KCTD1: variants seen among roughly 807,000 people sequenced by gnomAD.
KCTD1 encodes the protein potassium channel tetramerization domain containing 1.
KCTD1 carries 24 observed loss-of-function variants against 66.0 expected under a neutral mutation model. The observed-to-expected ratio is 0.36, with a 90% CI of 0.26 to 0.51. The LOEUF is 0.51. KCTD1 is among the 20% of genes least tolerant of loss of function. The pLI, the probability that KCTD1 is intolerant of heterozygous loss-of-function variation, is 0.95. For missense variants in KCTD1, 943 were observed against 1,205.2 expected, an observed-to-expected ratio of 0.78 and a Z score of 3.22; for synonymous variants, 511 against 517.2, an observed-to-expected ratio of 0.99 and a Z score of 0.16.
At chr18:26,657,464 A>G, upstream of KCTD1, 8 of 865,212 alleles carry the variant, frequency 9.2e-6, no homozygotes, top group Non-Finnish European at 1.1e-5. Context: ...GCCACACCAG[A>G]GAGAAATGCA....
chr18:26,538,953 A>G (rs1222936503), intron 1 of KCTD1, among the ~76,000 whole-genome samples: 1 of 152,240 alleles, frequency 6.6e-6, no homozygotes, highest in African/African-American at 2.4e-5. Context: ...CACCGGAAAC[A>G]TTCTTTTTTG....
At chr18:26,524,988 C>G (rs1984088570) in intron 1 of KCTD1, among the ~76,000 whole-genome samples, 1 of 152,058 alleles carries the variant, frequency 6.6e-6, no homozygotes, top group African/African-American at 2.4e-5. Flanking sequence ...CAGAAAGGAC[C>G]TCTGGAAAGA....
intron 1 of KCTD1, among the ~76,000 whole-genome samples, chr18:26,568,446 A>G (rs1050459410): frequency 6.6e-6 from 1 of 152,050 alleles, no homozygotes; most frequent in Non-Finnish European, 1.5e-5. Flanking sequence ...CATGTTGCCC[A>G]GGCTGGTCTC....
rs1983981777 is a variant in KCTD1, at chr18:26,522,927, C to A, written c.1810-21677G>T. On this transcript the variant is annotated intron_variant, in intron 1 of 4. Transcript: ENST00000580059. ...GCTGAGACCTAAACTAGATTTTAAACATCTCCCACAGTGCCTTGTATACTG... is the reference window on the plus strand; with the variant it reads ...GCTGAGACCTAAACTAGATTTTAAAAATCTCCCACAGTGCCTTGTATACTG... Among the ~76,000 whole-genome samples, 2 of 152,162 alleles carry A rather than the reference C, an allele frequency of 1.3e-5. 1 individual carries two copies. The highest frequency in any genetic ancestry group is 4.8e-5 in the African/African-American group (2 of 41,434).
chr18:26,574,043 A>G (rs1487999773), intron 1 of KCTD1, among the ~76,000 whole-genome samples: 1 of 152,108 alleles, frequency 6.6e-6, no homozygotes, highest in Non-Finnish European at 1.5e-5. Context: ...TGTTGGCCAT[A>G]CTTTGTGCCC....
At position 26,508,746 on chromosome 18, in the gene KCTD1, G is replaced by A. The variant is rs1281020140; in HGVS notation, c.1810-7496C>T. 5.4e-5 allele frequency among the ~76,000 whole-genome samples: 8 copies of A among 148,212 alleles called. 1 individual carries two copies. In the East Asian group the frequency reaches 9.8e-4, roughly 18 times the overall value. ...CTCTCTCTCACACACACACACACAC[G>A]CACAACATCTGTATTATATGGCATA... On this transcript the variant is annotated intron_variant, in intron 1 of 4. Transcript: ENST00000580059.
At chr18:26,545,878 C>T (rs1296816281) in intron 1 of KCTD1, 2 of 152,116 alleles carry the variant, frequency 1.3e-5, no homozygotes, top group Non-Finnish European at 2.9e-5. Flanking sequence ...ATAGTTTCTT[C>T]CTCTTTGATG....
chr18:26,648,238 C>T (rs1323226979), intron 1 of KCTD1, among the ~76,000 whole-genome samples: 1 of 152,172 alleles, frequency 6.6e-6, no homozygotes, highest in Non-Finnish European at 1.5e-5. Context: ...TGGGACCAAA[C>T]CAAATCTCTG....
At position 26,464,347 on chromosome 18, in the gene KCTD1, C is replaced by T. The variant is rs143769721; in HGVS notation, c.2134-4422G>A. Among the ~76,000 whole-genome samples, 214 of 152,350 alleles carry T rather than the reference C, an allele frequency of 1.4e-3. 1 individual carries two copies. Among genetic ancestry groups the T allele is most frequent in the African/African-American group, 4.8e-3 (200 of 41,576 alleles). ...TCTCTCATCCCATCTTCTCTAACCC[C>T]GGCCCTCCTGCCTCCCTCAAATAAG... On this transcript the variant is annotated intron_variant, in intron 3 of 4. Coordinates refer to ENST00000580059, the MANE Select transcript of KCTD1 (RefSeq NM_001142730.3).
rs536485499 is a variant in KCTD1, at chr18:26,480,661, G to A, written c.1989-4002C>T. 2.0e-5 allele frequency among the ~76,000 whole-genome samples: 3 copies of A among 152,208 alleles called. No homozygotes were observed. The South Asian group carries it at 6.2e-4, about 32-fold the overall frequency. ...CACGCACCTGTAATCCCAGCAACTCGGGAGGTTGAGGCAGAGAACTGCCTG... is the reference window on the plus strand; with the variant it reads ...CACGCACCTGTAATCCCAGCAACTCAGGAGGTTGAGGCAGAGAACTGCCTG... On this transcript the variant is annotated intron_variant, in intron 2 of 4. Coordinates refer to ENST00000580059, the MANE Select transcript of KCTD1 (RefSeq NM_001142730.3).
intron 3 of KCTD1, among the ~76,000 whole-genome samples, chr18:26,471,695 C>T (rs1981071098): frequency 6.6e-6 from 1 of 152,118 alleles, no homozygotes; most frequent in African/African-American, 2.4e-5. Context: ...CAGTATTTTG[C>T]AAGATGTTAT....
intron 3 of KCTD1, among the ~76,000 whole-genome samples, chr18:26,473,048 T>C (rs1981154170): frequency 1.3e-5 from 2 of 152,324 alleles, no homozygotes; most frequent in African/African-American, 4.8e-5. Flanking sequence ...ATTCAGCTAT[T>C]ATCTGAGAGC....
chr18:26,579,418 C>T (rs936741148), intron 1 of KCTD1, among the ~76,000 whole-genome samples: 9 of 152,120 alleles, frequency 5.9e-5, no homozygotes, highest in Non-Finnish European at 8.8e-5. Context: ...AATTACATAA[C>T]AATTTTGCAG....
At chr18:26,549,055 G>GGCCGCGGGTGCT (rs1231529370), upstream of KCTD1, 2 of 985,100 alleles carry the variant, frequency 2.0e-6, no homozygotes, top group Non-Finnish European at 1.2e-6. Flanking sequence ...GCGCCGGGCG[G>GGCCGCGGGTGCT]GCCGCGGGTG....
intron 1 of KCTD1, among the ~76,000 whole-genome samples, chr18:26,606,256 T>C (rs1354413726): frequency 1.3e-5 from 2 of 152,158 alleles, no homozygotes; most frequent in Admixed American, 6.5e-5. Context: ...TTAATGCCAG[T>C]TGGCTTTTCC....
At chr18:26,462,376 G>C (rs187399004) in intron 3 of KCTD1, among the ~76,000 whole-genome samples, 1 of 152,298 alleles carries the variant, frequency 6.6e-6, no homozygotes, top group Non-Finnish European at 1.5e-5. Flanking sequence ...TAAGCCACCA[G>C]GTGTTCTTTT....
intron 1 of KCTD1, among the ~76,000 whole-genome samples, chr18:26,542,744 TAA>T (rs1218759014): frequency 6.6e-6 from 1 of 152,188 alleles, no homozygotes; most frequent in Non-Finnish European, 1.5e-5. Context: ...TACAAAGATT[TAA>T]GTTTTGGATG....
At chr18:26,643,421 A>T (rs1987868435), upstream of KCTD1, among the ~76,000 whole-genome samples, 1 of 152,220 alleles carries the variant, frequency 6.6e-6, no homozygotes. Context: ...TGTAGGCTAC[A>T]GGAAGGGGCC....
At chr18:26,634,769 C>T (rs190372090) in intron 1 of KCTD1, among the ~76,000 whole-genome samples, 44 of 152,268 alleles carry the variant, frequency 2.9e-4, no homozygotes, top group Admixed American at 1.6e-3. Context: ...CTCTATTTTA[C>T]GGAGAAGAAA....
Sources: gnomAD v4.1 joint callset for allele counts (sites outside exome capture counted in the v4.1 genomes callset) on GRCh38, gnomAD v4.1.1 for gene constraint, MANE v1.5 for transcripts, NCBI Gene and HGNC (gene_info 2026-07-23, HGNC 2026-07-21) for gene names.